ADAMTS16: variants seen among roughly 807,000 people sequenced by gnomAD.
The protein encoded by ADAMTS16 is A disintegrin and metalloproteinase with thrombospondin motifs 16.
A neutral mutation model predicts 145.8 loss-of-function variants in ADAMTS16; 94 were observed. The observed-to-expected ratio is 0.64, with a 90% confidence interval of 0.55 to 0.77. The LOEUF is 0.77. ADAMTS16 is among the 30% of genes least tolerant of loss of function. The pLI, the probability that ADAMTS16 is intolerant of heterozygous loss-of-function variation, is 0.00. For missense variants in ADAMTS16, 1,585 were observed against 1,591.5 expected (o/e 1.00, Z 0.07); for synonymous variants, 659 against 604.3 (o/e 1.09, Z -1.33).
chr5:5,231,567 TC>T (rs1233326808), intron 11 of ADAMTS16, among the ~76,000 whole-genome samples: 6 of 152,140 alleles, frequency 3.9e-5, no homozygotes, highest in African/African-American at 1.4e-4. Context: ...ACAAACATCT[TC>T]CTTCTTCCTC....
At chr5:5,182,389 C>A in intron 4 of ADAMTS16, 84 bp downstream of exon 4, 1 of 1,510,802 alleles carries the variant, frequency 6.6e-7, no homozygotes, top group Non-Finnish European at 8.9e-7. Flanking sequence ...TTCTTCAAAG[C>A]ATGTCTGCCC....
chr5:5,263,495 C>G (rs1738110938), intron 18 of ADAMTS16, among the ~76,000 whole-genome samples: 1 of 152,246 alleles, frequency 6.6e-6, no homozygotes, highest in Non-Finnish European at 1.5e-5. Flanking sequence ...CTTTGCTGGA[C>G]TCCCAGCAGG....
At chr5:5,183,272 G>A (rs1735392883) in intron 4 of ADAMTS16, among the ~76,000 whole-genome samples, 1 of 152,208 alleles carries the variant, frequency 6.6e-6, no homozygotes, top group Admixed American at 6.5e-5. Context: ...GAGAACAAAC[G>A]GAGGTGAGCA....
intron 3 of ADAMTS16, among the ~76,000 whole-genome samples, chr5:5,147,501 A>C (rs1446291678): frequency 6.6e-6 from 1 of 152,196 alleles, no homozygotes; most frequent in Non-Finnish European, 1.5e-5. Flanking sequence ...GCAAATGCTA[A>C]ATCCTGTAAA....
chr5:5,232,548 C>T (rs570272420), intron 12 of ADAMTS16, 32 bp downstream of exon 12: 57 of 1,602,382 alleles, frequency 3.6e-5, no homozygotes, highest in South Asian at 2.3e-4. Flanking sequence ...TCCTCACAAA[C>T]GACTGATTTC....
At chr5:5,174,256 G>A (rs903154691) in intron 3 of ADAMTS16, among the ~76,000 whole-genome samples, 1 of 152,014 alleles carries the variant, frequency 6.6e-6, no homozygotes, top group Admixed American at 6.6e-5. Flanking sequence ...CTTCAGCATT[G>A]TAAATATGTT....
intron 18 of ADAMTS16, among the ~76,000 whole-genome samples, chr5:5,272,360 A>AC (rs1553996633): frequency 3.7e-4 from 45 of 122,510 alleles, no homozygotes; most frequent in African/African-American, 1.3e-3. Context: ...ATTCCAAAGG[A>AC]TTTTTTTTTT....
At chr5:5,199,583 T>A (rs1394045977) in intron 8 of ADAMTS16, among the ~76,000 whole-genome samples, 1 of 152,132 alleles carries the variant, frequency 6.6e-6, no homozygotes, top group Non-Finnish European at 1.5e-5. Context: ...CATCCCCAGG[T>A]AGGGGTAGAG....
intron 17 of ADAMTS16, among the ~76,000 whole-genome samples, chr5:5,247,637 C>T (rs983590486): frequency 6.6e-6 from 1 of 152,378 alleles, no homozygotes; most frequent in African/African-American, 2.4e-5. Flanking sequence ...GTGGCCATGG[C>T]CTGTTCTTCT....
chr5:5,215,722 T>C (rs1002124789), intron 10 of ADAMTS16, among the ~76,000 whole-genome samples: 12 of 146,476 alleles, frequency 8.2e-5, no homozygotes, highest in African/African-American at 2.8e-4. Context: ...ATGTGGTATA[T>C]ATATATGTGG....
chr5:5,275,404 A>C (rs980952614), intron 18 of ADAMTS16, among the ~76,000 whole-genome samples: 2 of 152,226 alleles, frequency 1.3e-5, no homozygotes, highest in African/African-American at 4.8e-5. Context: ...GAATCAAGGA[A>C]TGTGTTCTGA....
intron 3 of ADAMTS16, among the ~76,000 whole-genome samples, chr5:5,173,528 C>T (rs1735105893): frequency 6.6e-6 from 1 of 151,714 alleles, no homozygotes; most frequent in South Asian, 2.1e-4. Flanking sequence ...GGCTCGAGTG[C>T]AGTGGCGTGA....
chr5:5,277,145 A>ACGCTGTCT (rs1389329483), intron 18 of ADAMTS16, among the ~76,000 whole-genome samples: 1 of 152,174 alleles, frequency 6.6e-6, no homozygotes, highest in Non-Finnish European at 1.5e-5. Flanking sequence ...TCTCCCCCTT[A>ACGCTGTCT]CGCTGTCTCC....
chr5:5,300,377 C>T (rs990371067), intron 18 of ADAMTS16, among the ~76,000 whole-genome samples: 3 of 151,836 alleles, frequency 2.0e-5, no homozygotes, highest in Non-Finnish European at 2.9e-5. Flanking sequence ...ATTTAGGTGG[C>T]TTAACATGGA....
intron 17 of ADAMTS16, among the ~76,000 whole-genome samples, chr5:5,246,104 GT>G (rs1183677044): frequency 6.6e-6 from 1 of 152,166 alleles, no homozygotes; most frequent in Non-Finnish European, 1.5e-5. Flanking sequence ...CAAAACATCA[GT>G]TTTTTCTCAA....
At chr5:5,147,926 T>C (rs1734348048) in intron 3 of ADAMTS16, among the ~76,000 whole-genome samples, 1 of 152,198 alleles carries the variant, frequency 6.6e-6, no homozygotes, top group Non-Finnish European at 1.5e-5. Context: ...TGGGTTTCCC[T>C]GAGCCAGGGA....
intron 2 of ADAMTS16, among the ~76,000 whole-genome samples, chr5:5,143,347 A>AC (rs1734214176): frequency 6.6e-6 from 1 of 152,234 alleles, no homozygotes; most frequent in African/African-American, 2.4e-5. Flanking sequence ...TCAAAAGAAG[A>AC]CATTTATGCG....
intron 10 of ADAMTS16, among the ~76,000 whole-genome samples, chr5:5,213,880 A>G (rs1346717515): frequency 6.6e-6 from 1 of 151,900 alleles, no homozygotes; most frequent in Non-Finnish European, 1.5e-5. Context: ...CTCACCCCTT[A>G]CCGTTAGGAC....
chr5:5,254,870 A>G (rs1469718712), intron 17 of ADAMTS16, among the ~76,000 whole-genome samples: 4 of 152,150 alleles, frequency 2.6e-5, no homozygotes, highest in Admixed American at 6.5e-5. Flanking sequence ...GCTAAAATAT[A>G]CTACATTAAT....
Sources: gnomAD v4.1 joint callset for allele counts (sites outside exome capture counted in the v4.1 genomes callset) on GRCh38, gnomAD v4.1.1 for gene constraint, MANE v1.5 for transcripts, NCBI Gene and HGNC (gene_info 2026-07-23, HGNC 2026-07-21) for gene names.